Variants in PSG4 observed in about 807,000 individuals in gnomAD.
The protein encoded by PSG4 is pregnancy specific beta-1-glycoprotein 4.
PSG4 carries 61 observed loss-of-function variants against 44.3 expected under a neutral mutation model. That is an observed-to-expected ratio of 1.38 (90% CI 1.12 to 1.70). The LOEUF (loss-of-function observed/expected upper bound fraction) is 1.70. Among genes scored for constraint, PSG4 ranks in the 40% most tolerant of loss-of-function variants. The pLI is 0.00. For missense variants in PSG4, 677 were observed against 511.7 expected (o/e 1.32, Z -3.12); for synonymous variants, 248 against 191.3 (o/e 1.30, Z -2.45).
rs1233632458 is a variant in PSG4 at position 43,198,611 on chromosome 19, C to G, written c.431-336G>C. On this transcript the variant is annotated intron_variant, in intron 2 of 5. Coordinates refer to ENST00000405312, the MANE Select transcript of PSG4 (RefSeq NM_002780.5). The stretch of plus-strand genomic sequence containing the variant: ...TGCCTGACCCACCTTGTGGTCCTCA[C>G]TTGGAGCATGCAGTGCTGGAATCTT... The G allele has an allele frequency of 2.2e-5, 7 of 320,662 alleles. 1 individual carries two copies. Among genetic ancestry groups the G allele is most frequent in the African/African-American group, 1.6e-4 (7 of 43,488 alleles). 19.9% of individuals were successfully genotyped at this position (320,662 alleles called of 1,614,324 possible). A position where few individuals can be genotyped will look rare whatever the true frequency, so the allele number is the denominator to read the frequency against.
In PSG4 at chr19:43,200,821, C is replaced by T. The variant is rs534910045; in HGVS notation, c.431-2546G>A. Among the ~76,000 whole-genome samples, 115 of 146,286 alleles carry T rather than the reference C, an allele frequency of 7.9e-4. 22 individuals carry two copies. The highest frequency in any genetic ancestry group is 2.7e-3 in the African/African-American group (102 of 38,332). ...CCATCTCCTGACCTTGTGCCTGCCT[C>T]GGCCTCCCAAAGTCCTGGGATTATA... is the stretch of plus-strand genomic sequence containing the variant. On this transcript the variant is annotated intron_variant, in intron 2 of 5. Transcript: ENST00000405312.
chr19:43,201,530 T>C (rs1256991784), intron 2 of PSG4, among the ~76,000 whole-genome samples: 1 of 145,446 alleles, frequency 6.9e-6, no homozygotes, highest in Non-Finnish European at 1.5e-5. Flanking sequence ...CTGACCTCAT[T>C]CATACCTATG....
chr19:43,195,974 G>C lies in PSG4; in HGVS notation c.710-701C>G, dbSNP rs555544114. ...GAGTCAAGGGGACAGGCAAGAGCTG[G>C]TGGCTTTGGAGCAGAACCATGTTCC... On this transcript the variant is annotated intron_variant, in intron 3 of 5. Coordinates refer to ENST00000405312, the MANE Select transcript of PSG4 (RefSeq NM_002780.5). 2.1e-3 allele frequency among the ~76,000 whole-genome samples: 319 copies of C among 150,956 alleles called. 9 individuals are homozygous for C. The highest frequency in any genetic ancestry group is 5.4e-3 in the South Asian group (26 of 4,774).
Position 43,198,062 on chromosome 19 carries a change from T to C in PSG4, c.644A>G (p.Tyr215Cys), listed in dbSNP as rs563613270. ...FGVTKYIAGP[Y>C]ECEIRNPVSA... ...CACTGGGTTCCGTATTTCACATTCA[T>C]AGGGTCCTGCAATATACTTTGTGAC... is the stretch of plus-strand genomic sequence containing the variant. Residue 215 changes from tyrosine (Y) to cysteine (C), a missense_variant, in exon 3 of 6, where the codon TAT becomes TGT. Transcript: ENST00000405312. The C allele has an allele frequency of 6.3e-7, 1 of 1,587,898 alleles. No individual in the cohort carries two copies. The highest frequency in any genetic ancestry group is 1.1e-5 in the South Asian group (1 of 89,926).
At chr19:43,194,969 C>A in intron 4 of PSG4, 26 bp downstream of exon 4, 2 of 1,606,160 alleles carry the variant, frequency 1.2e-6, no homozygotes, top group Middle Eastern at 1.7e-4. Context: ...GGTGTCCTGG[C>A]CCACAGAGGA....
At position 43,205,492 on chromosome 19, in the gene PSG4, C is replaced by T. The variant is rs756668171; in HGVS notation, c.45G>A (p.Trp15Ter). 11 of 1,552,354 alleles carry T rather than the reference C, an allele frequency of 7.1e-6. No individual in the cohort carries two copies. The highest frequency in any genetic ancestry group is 9.6e-6 in the Non-Finnish European group (11 of 1,146,914). Reference sequence around the variant, plus strand: ...CCTCACCTGTGAGCAGGACCCCCTTCCAGGTGATGCGCTGTGTGCAGGGAG... The same window carrying T: ...CCTCACCTGTGAGCAGGACCCCCTTTCAGGTGATGCGCTGTGTGCAGGGAG... The part of the protein sequence containing the change: ...SAPPCTQRIT[W>*]KGVLLTASLL... Residue 15 changes from tryptophan (W) to a stop codon, truncating the protein, a stop_gained, in exon 1 of 6, where the codon TGG (tryptophan) becomes TGA (stop). Coordinates refer to ENST00000405312, the MANE Select transcript of PSG4 (RefSeq NM_002780.5). LOFTEE classifies it high-confidence loss of function.
At chr19:43,197,715 T>C (rs1264248901) in intron 3 of PSG4, 1 of 617,978 alleles carries the variant, frequency 1.6e-6, no homozygotes, top group Non-Finnish European at 2.5e-6. Context: ...CCCAGCCAAA[T>C]CCCCGCTGTG....
intron 2 of PSG4, 157 bp downstream of exon 2, chr19:43,203,729 T>G (rs938116915): frequency 7.7e-7 from 1 of 1,305,944 alleles, no homozygotes; most frequent in Non-Finnish European, 1.0e-6. Flanking sequence ...TGTTGAAATT[T>G]GTCTCCTCTG....
rs1157895415 is a variant in PSG4 at position 43,193,725 on chromosome 19, C to T, written c.1244-337G>A. 4 of 540,362 alleles carry T rather than the reference C, an allele frequency of 7.4e-6. 1 individual carries two copies. The African/African-American group carries it at 7.7e-5, about 10-fold the overall frequency. 33.5% of individuals were successfully genotyped at this position (540,362 alleles called of 1,614,324 possible). On this transcript the variant is annotated intron_variant, in intron 5 of 5. Transcript: ENST00000405312. ...AACCAAGGCTGACTTCAGACTTTGC[C>T]TGCAGTTCATATTGGTTCATTCTAT...
Position 43,195,689 on chromosome 19 carries a change from C to A in PSG4, c.710-416G>T, listed in dbSNP as rs560623412. On this transcript the variant is annotated intron_variant, in intron 3 of 5. Transcript: ENST00000405312. ...CTAGATGAGATTTCTCTGCAGCTTC[C>A]ATTTCAAGGACATTCTAGAGATGAG... is the stretch of plus-strand genomic sequence containing the variant. 2.0e-5 allele frequency among the ~76,000 whole-genome samples: 3 copies of A among 151,486 alleles called. 1 individual carries two copies. The highest frequency in any genetic ancestry group is 4.4e-5 in the Non-Finnish European group (3 of 67,848).
rs561107848 is a variant in PSG4 at position 43,197,691 on chromosome 19, C to T, written c.709+306G>A. ...GCCACAGTGACCCTGTGAGCCAAGT[C>T]GCAACACTGAAGTCCCAGCCAAATC... On this transcript the variant is annotated intron_variant, in intron 3 of 5. Transcript: ENST00000405312. 16 of 479,652 alleles carry T rather than the reference C, an allele frequency of 3.3e-5. 1 individual carries two copies. Among genetic ancestry groups the T allele is most frequent in the Admixed American group, 2.9e-4 (8 of 27,674 alleles). The allele number at this position is 479,652 out of a possible 1,614,324, so 29.7% of individuals were successfully genotyped here.
At chr19:43,198,906 C>G (rs1000241267) in intron 2 of PSG4, 1 of 149,106 alleles carries the variant, frequency 6.7e-6, no homozygotes, top group Non-Finnish European at 1.4e-5. Context: ...AGCCAGTGAC[C>G]TCTAAAGATA....
Position 43,204,074 on chromosome 19 carries a change from G to C in PSG4, c.242C>G (p.Ser81Ter). 6.3e-7 allele frequency: 1 copy of C among 1,585,778 alleles called. No individual in the cohort carries two copies. Among genetic ancestry groups the C allele is most frequent in the Non-Finnish European group, 8.5e-7 (1 of 1,170,136 alleles). The change falls in exon 2 of 6, where the codon TCA (serine) becomes TGA (stop). Residue 81 changes from serine to a stop codon, truncating the protein, a stop_gained. Coordinates refer to ENST00000405312, the MANE Select transcript of PSG4 (RefSeq NM_002780.5). LOFTEE classifies it high-confidence loss of function. The part of the protein sequence containing the change: ...QMTYLYHYIT[S>*]YVVDGQRIIY... ...AATTCTTTGACCGTCTACTACATAT[G>C]ATGTAATGTAATGGTAGAGGTATGT...
chr19:43,203,769 G>A lies in PSG4; in HGVS notation c.430+117C>T. On this transcript the variant is annotated intron_variant, in intron 2 of 5. Transcript: ENST00000405312. ...TCCTGCACTAAATGCCCAAACCCCA[G>A]CATGGGACTTAATGCAGAGAGGGAC... 8 of 1,490,366 alleles carry A rather than the reference G, an allele frequency of 5.4e-6. 1 individual carries two copies. Among genetic ancestry groups the A allele is most frequent in the Non-Finnish European group, 7.2e-6 (8 of 1,108,944 alleles). The allele number at this position is 1,490,366 out of a possible 1,614,324, so 92.3% of individuals were successfully genotyped here.
In PSG4 at chr19:43,199,728, A is replaced by C. The variant is rs762351989; in HGVS notation, c.431-1453T>G. On this transcript the variant is annotated intron_variant, in intron 2 of 5. Coordinates refer to ENST00000405312, the MANE Select transcript of PSG4 (RefSeq NM_002780.5). ...GTTCTGACTCTAGTAACAAAAAAAA[A>C]TTTGGAGGAAACATTAAAATGTTTT... 3.4e-5 allele frequency among the ~76,000 whole-genome samples: 5 copies of C among 145,552 alleles called. 1 individual carries two copies. Among genetic ancestry groups the C allele is most frequent in the Non-Finnish European group, 7.4e-5 (5 of 67,230 alleles).
chr19:43,202,094 A>G (rs1345547884), intron 2 of PSG4, among the ~76,000 whole-genome samples: 4 of 145,404 alleles, frequency 2.8e-5, no homozygotes, highest in Non-Finnish European at 6.0e-5. Flanking sequence ...TTAGCGGGAA[A>G]GGAACTGAAC....
intron 2 of PSG4, 119 bp from the exon 3 acceptor site, chr19:43,198,394 T>C (rs1243028785): frequency 1.4e-6 from 2 of 1,442,970 alleles, no homozygotes; most frequent in African/African-American, 1.5e-5. Context: ...TAAAAGCCCA[T>C]GGAAGATGTG....
chr19:43,196,341 T>C (rs1411147602), intron 3 of PSG4: 1 of 151,658 alleles, frequency 6.6e-6, no homozygotes, highest in African/African-American at 2.4e-5. Flanking sequence ...TCAGAAGTTG[T>C]TCATGGGTGT....
In PSG4 at chr19:43,194,448, G is replaced by A. The variant is rs1347542774; in HGVS notation, c.1135C>T (p.Leu379Phe). The change falls in exon 5 of 6, where the codon CTC (leucine) becomes TTC (phenylalanine). Residue 379 changes from leucine to phenylalanine, a missense_variant. Coordinates refer to ENST00000405312, the MANE Select transcript of PSG4 (RefSeq NM_002780.5). ...NGKFQLSGQK[L>F]SIPQITTKHS... Reference sequence around the variant, plus strand: ...TTTGTAGTTATTTGGGGGATAGAGAGCTTTTGTCCTGATAGCTGAAACTTC... The same window carrying A: ...TTTGTAGTTATTTGGGGGATAGAGAACTTTTGTCCTGATAGCTGAAACTTC... 6.2e-7 allele frequency: 1 copy of A among 1,612,334 alleles called. No individual in the cohort carries two copies. Among genetic ancestry groups the A allele is most frequent in the African/African-American group, 1.3e-5 (1 of 74,552 alleles).
Sources: gnomAD v4.1 joint callset for allele counts (sites outside exome capture counted in the v4.1 genomes callset) on GRCh38, gnomAD v4.1.1 for gene constraint, MANE v1.5 for transcripts, NCBI Gene and HGNC (gene_info 2026-07-23, HGNC 2026-07-21) for gene names.